Variants in COL19A1 observed in about 807,000 individuals in gnomAD.
The protein encoded by COL19A1 is collagen type XIX alpha 1 chain, also known as collagen alpha-1(XIX) chain.
COL19A1 carries 159 observed loss-of-function variants against 190.2 expected under a neutral mutation model. The ratio of observed to expected loss-of-function variants is 0.84; its 90% CI spans 0.73 to 0.95. The LOEUF (loss-of-function observed/expected upper bound fraction) is 0.95, where lower values mean the gene tolerates loss of function less well. Ranked by LOEUF, COL19A1 falls within the 40% of genes least tolerant of loss-of-function variation. The pLI, the probability that COL19A1 is intolerant of heterozygous loss-of-function variation, is 0.00. For synonymous variants in COL19A1, 509 were observed against 458.9 expected (o/e 1.11, Z -1.39); for missense variants, 1,418 against 1,431.9 (o/e 0.99, Z 0.16).
At chr6:70,153,151 CA>C (rs1033818839) in intron 31 of COL19A1, among the ~76,000 whole-genome samples, 2 of 152,078 alleles carry the variant, frequency 1.3e-5, no homozygotes, top group Admixed American at 6.6e-5. Flanking sequence ...GAACAAAATC[CA>C]AATACAGGAA....
intron 34 of COL19A1, among the ~76,000 whole-genome samples, chr6:70,161,489 C>G (rs923297942): frequency 6.6e-6 from 1 of 152,132 alleles, no homozygotes; most frequent in Admixed American, 6.6e-5. Flanking sequence ...AGTATTCACA[C>G]ATATTCTTAC....
intron 17 of COL19A1, among the ~76,000 whole-genome samples, chr6:70,125,059 A>G (rs1176338832): frequency 2.0e-5 from 3 of 151,796 alleles, no homozygotes; most frequent in Non-Finnish European, 4.4e-5. Flanking sequence ...TTCCATTGGC[A>G]TTGTCTCCAC....
intron 14 of COL19A1, among the ~76,000 whole-genome samples, chr6:70,068,084 A>C (rs1216255214): frequency 6.6e-6 from 1 of 152,024 alleles, no homozygotes; most frequent in African/African-American, 2.4e-5. Context: ...ATGTATAAAG[A>C]GGTATCTTTT....
At chr6:70,149,473 T>G (rs1181968585) in intron 27 of COL19A1, among the ~76,000 whole-genome samples, 2 of 152,120 alleles carry the variant, frequency 1.3e-5, no homozygotes, top group Non-Finnish European at 2.9e-5. Flanking sequence ...ATGATATAGA[T>G]GTCCCAAGTC....
intron 23 of COL19A1, among the ~76,000 whole-genome samples, chr6:70,143,144 A>G (rs1263347343): frequency 6.6e-6 from 1 of 152,192 alleles, no homozygotes; most frequent in African/African-American, 2.4e-5. Context: ...AGAAATAAAG[A>G]ACACCAAAAG....
At chr6:70,018,528 T>G (rs527642177) in intron 11 of COL19A1, among the ~76,000 whole-genome samples, 1 of 152,086 alleles carries the variant, frequency 6.6e-6, no homozygotes, top group Non-Finnish European at 1.5e-5. Flanking sequence ...AACAAAACAC[T>G]TGGAATGACA....
intron 12 of COL19A1, among the ~76,000 whole-genome samples, chr6:70,032,659 G>A (rs1779138247): frequency 6.6e-6 from 1 of 151,742 alleles, no homozygotes; most frequent in Admixed American, 6.6e-5. Flanking sequence ...ACTAAATATT[G>A]TAAATCTAAC....
chr6:70,115,511 T>A (rs1472142137), intron 16 of COL19A1, among the ~76,000 whole-genome samples: 1 of 152,164 alleles, frequency 6.6e-6, no homozygotes, highest in Non-Finnish European at 1.5e-5. Context: ...CATTTGCATT[T>A]GATCTGGCAG....
chr6:70,091,450 C>T (rs1043148986), intron 15 of COL19A1, among the ~76,000 whole-genome samples: 6 of 152,154 alleles, frequency 3.9e-5, no homozygotes, highest in Non-Finnish European at 7.3e-5. Context: ...ACAATAGGGA[C>T]TTCGTAAATA....
Position 70,180,538 on chromosome 6 carries a change from C to T in COL19A1, c.2775+15C>T, listed in dbSNP as rs753917325. ...CAGGAAAGCCAGTAAGTACTTCTTA[C>T]TACTTAAAATATGCCACCTAGAGAA... is the stretch of plus-strand genomic sequence containing the variant. On this transcript the variant is annotated intron_variant, in intron 44 of 50. Coordinates refer to ENST00000620364, the MANE Select transcript of COL19A1 (RefSeq NM_001858.6). 3.7e-6 allele frequency: 6 copies of T among 1,613,182 alleles called. No homozygotes were observed. The African/African-American group carries it at 6.7e-5, about 18-fold the overall frequency.
intron 11 of COL19A1, among the ~76,000 whole-genome samples, chr6:69,981,539 TAAAAGTTAATAACAA>T (rs1776030786): frequency 6.6e-6 from 1 of 152,010 alleles, no homozygotes; most frequent in African/African-American, 2.4e-5. Flanking sequence ...CTTACAAACT[TAAAAGTTAATAACAA>T]AAGTCTGGCA....
At position 70,161,947 on chromosome 6, in the gene COL19A1, A is replaced by T; in HGVS notation, c.2340A>T (p.Gly780=). The T allele has an allele frequency of 6.2e-7, 1 of 1,602,464 alleles. No homozygotes were observed. Among genetic ancestry groups the T allele is most frequent in the Non-Finnish European group, 8.5e-7 (1 of 1,174,832 alleles). ...TTCCAGGTGCTCCAGGCCCGACTGGACCCCCTGTAAGTATTTGTTAAAACG... is the reference window on the plus strand; with the variant it reads ...TTCCAGGTGCTCCAGGCCCGACTGGTCCCCCTGTAAGTATTTGTTAAAACG... ...PGIPGAPGPT[G]PPGLMGRTGH... The change falls in exon 35 of 51, where the codon GGA becomes GGT. Residue 780 remains glycine, a synonymous_variant. Transcript: ENST00000620364.
chr6:70,172,381 G>T (rs993539218), intron 41 of COL19A1, among the ~76,000 whole-genome samples: 1 of 152,056 alleles, frequency 6.6e-6, no homozygotes, highest in African/African-American at 2.4e-5. Flanking sequence ...GGAAACAGCA[G>T]GTCTAAAGAG....
At chr6:69,997,409 G>T (rs1416278474) in intron 11 of COL19A1, among the ~76,000 whole-genome samples, 1 of 152,188 alleles carries the variant, frequency 6.6e-6, no homozygotes, top group Non-Finnish European at 1.5e-5. Context: ...CTCTGAGAGG[G>T]CCAGGGTCTC....
At chr6:70,025,078 G>A (rs1278068836) in intron 12 of COL19A1, among the ~76,000 whole-genome samples, 2 of 150,602 alleles carry the variant, frequency 1.3e-5, no homozygotes, top group African/African-American at 4.9e-5. Flanking sequence ...AGGCTGGAGT[G>A]CAGTGGCAGT....
At chr6:70,044,261 A>G (rs1184781709) in intron 14 of COL19A1, among the ~76,000 whole-genome samples, 1 of 152,166 alleles carries the variant, frequency 6.6e-6, no homozygotes, top group East Asian at 1.9e-4. Context: ...TTTTATCCAG[A>G]TCTTTAAGTC....
intron 11 of COL19A1, among the ~76,000 whole-genome samples, chr6:69,985,435 G>T (rs1252906861): frequency 6.6e-6 from 1 of 152,172 alleles, no homozygotes; most frequent in Non-Finnish European, 1.5e-5. Flanking sequence ...GGGGGTGAAG[G>T]ATGAGAGATG....
At chr6:69,943,250 TTTTG>T (rs1228585735) in intron 9 of COL19A1, among the ~76,000 whole-genome samples, 3 of 152,088 alleles carry the variant, frequency 2.0e-5, no homozygotes, top group East Asian at 1.9e-4. Context: ...TTATTGGGGT[TTTTG>T]TTTGTTTGTT....
chr6:69,877,559 T>C (rs1386260311), intron 1 of COL19A1, among the ~76,000 whole-genome samples: 2 of 152,166 alleles, frequency 1.3e-5, no homozygotes, highest in Non-Finnish European at 2.9e-5. Context: ...AATAACAACA[T>C]AGTTAAGTTT....
Sources: gnomAD v4.1 joint callset for allele counts (sites outside exome capture counted in the v4.1 genomes callset) on GRCh38, gnomAD v4.1.1 for gene constraint, MANE v1.5 for transcripts, NCBI Gene and HGNC (gene_info 2026-07-23, HGNC 2026-07-21) for gene names.